ADA: variants seen among roughly 807,000 people sequenced by gnomAD.
The protein encoded by ADA is adenosine aminohydrolase.
A neutral mutation model predicts 49.0 loss-of-function variants in ADA; 45 were observed. The ratio of observed to expected loss-of-function variants is 0.92; its 90% CI spans 0.72 to 1.18. ADA has a LOEUF of 1.18. Ranked by LOEUF, ADA falls within the 50% of genes most tolerant of loss-of-function variation. The pLI is 0.00. For missense variants in ADA, 445 were observed against 472.5 expected, an observed-to-expected ratio of 0.94 and a Z score of 0.54; for synonymous variants, 173 against 184.2, an observed-to-expected ratio of 0.94 and a Z score of 0.49.
At chr20:44,639,808 T>C (rs947247672) in intron 1 of ADA, among the ~76,000 whole-genome samples, 11 of 151,822 alleles carry the variant, frequency 7.2e-5, no homozygotes, top group African/African-American at 2.2e-4. Context: ...GCTGGGAATG[T>C]AGGTAGGAGT....
chr20:44,645,051 G>T (rs2057638), intron 1 of ADA, among the ~76,000 whole-genome samples: 81,066 of 152,058 alleles, frequency 0.53, 22,389 homozygotes, highest in East Asian at 0.75. Flanking sequence ...CACGCTCCCT[G>T]CATGCCACAT....
chr20:44,621,250 A>G, intron 9 of ADA, 103 bp from the exon 10 acceptor site: 1 of 1,440,438 alleles, frequency 6.9e-7, no homozygotes, highest in African/African-American at 1.4e-5. Flanking sequence ...AGCAGCCTCA[A>G]ACAGATCTGA....
At chr20:44,628,283 G>C (rs1433044718) in intron 3 of ADA, among the ~76,000 whole-genome samples, 2 of 152,198 alleles carry the variant, frequency 1.3e-5, no homozygotes, top group Admixed American at 6.5e-5. Context: ...CCAGCATTTT[G>C]GGAGGCCGAG....
intron 1 of ADA, among the ~76,000 whole-genome samples, chr20:44,645,740 T>C (rs2065585075): frequency 1.3e-5 from 2 of 152,192 alleles, no homozygotes; most frequent in African/African-American, 4.8e-5. Context: ...GGTATGGGTA[T>C]AATTCTCATT....
intron 9 of ADA, among the ~76,000 whole-genome samples, chr20:44,621,628 C>T (rs577853529): frequency 1.9e-4 from 29 of 152,306 alleles, no homozygotes; most frequent in Middle Eastern, 3.4e-3. Flanking sequence ...TGACCATAAT[C>T]GACTTGCATA....
chr20:44,626,023 G>T (rs1248618085), intron 4 of ADA, among the ~76,000 whole-genome samples: 1 of 152,202 alleles, frequency 6.6e-6, no homozygotes, highest in Non-Finnish European at 1.5e-5. Flanking sequence ...GGGCAGGGTG[G>T]TTTTGTGATA....
At chr20:44,622,734 C>G (rs2065343856) in intron 8 of ADA, 82 bp from the exon 9 acceptor site, 1 of 1,613,702 alleles carries the variant, frequency 6.2e-7, no homozygotes, top group Non-Finnish European at 8.5e-7. Context: ...TGGGGCCACC[C>G]CTCGAGTTCC....
chr20:44,624,401 G>A (rs549087711), intron 5 of ADA, 72 bp from the exon 6 acceptor site: 83 of 1,602,788 alleles, frequency 5.2e-5, no homozygotes, highest in Non-Finnish European at 6.4e-5. Flanking sequence ...CCTGCCTGCT[G>A]TCCCACCCAA....
chr20:44,651,507 GC>G, intron 1 of ADA, 67 bp downstream of exon 1: 1 of 1,461,340 alleles, frequency 6.8e-7, no homozygotes. Flanking sequence ...CCCGGGCTGG[GC>G]CCCGCTAAGC....
In ADA at chr20:44,620,302, C is replaced by A; in HGVS notation, c.1075G>T (p.Ala359Ser). The A allele has an allele frequency of 6.2e-7, 1 of 1,613,966 alleles. No homozygotes were observed. The highest frequency in any genetic ancestry group is 8.5e-7 in the Non-Finnish European group (1 of 1,179,912). The change falls in exon 11 of 12, where the codon GCA becomes TCA. Residue 359 changes from alanine to serine, a missense_variant. By Grantham distance (99) the Ala-to-Ser change is moderately conservative. Coordinates refer to ENST00000372874, the MANE Select transcript of ADA (RefSeq NM_000022.4). Reference sequence around the variant, plus strand: ...AGAAGCCCAGACAGGAACCTACCTGCAGAGGCTGAAGGTGGCATCCCATAG... The same window carrying A: ...AGAAGCCCAGACAGGAACCTACCTGAAGAGGCTGAAGGTGGCATCCCATAG... ...KAYGMPPSAS[A>S]GQNL
At chr20:44,633,950 C>A (rs948295851) in intron 2 of ADA, among the ~76,000 whole-genome samples, 7 of 152,226 alleles carry the variant, frequency 4.6e-5, no homozygotes, top group Non-Finnish European at 7.3e-5. Flanking sequence ...TTTACAGACA[C>A]CCATATCTGA....
intron 8 of ADA, 84 bp downstream of exon 8, chr20:44,622,745 T>C: frequency 6.2e-7 from 1 of 1,613,882 alleles, no homozygotes; most frequent in Non-Finnish European, 8.5e-7. Context: ...CTCGAGTTCC[T>C]GGGACCCGCC....
intron 4 of ADA, among the ~76,000 whole-genome samples, chr20:44,626,107 G>A (rs551666207): frequency 1.3e-5 from 2 of 152,304 alleles, no homozygotes; most frequent in East Asian, 3.9e-4. Context: ...TGAAGTTAGA[G>A]CAGGACCTTT....
intron 1 of ADA, among the ~76,000 whole-genome samples, chr20:44,647,751 T>C (rs899721832): frequency 1.3e-5 from 2 of 151,780 alleles, no homozygotes; most frequent in African/African-American, 4.9e-5. Flanking sequence ...ACCCTGTCTC[T>C]ACTAAAAATA....
intron 2 of ADA, among the ~76,000 whole-genome samples, chr20:44,632,973 C>G (rs533953351): frequency 1.3e-5 from 2 of 152,232 alleles, no homozygotes; most frequent in African/African-American, 4.8e-5. Flanking sequence ...GGATTACAGG[C>G]GTGAGCCACC....
intron 1 of ADA, among the ~76,000 whole-genome samples, chr20:44,650,103 AGG>A (rs1487754413): frequency 6.6e-6 from 1 of 152,206 alleles, no homozygotes; most frequent in South Asian, 2.1e-4. Flanking sequence ...CCAAGGGCAG[AGG>A]GAGCCCAGAG....
At chr20:44,624,775 G>A (rs1874890244) in intron 5 of ADA, among the ~76,000 whole-genome samples, 1 of 152,190 alleles carries the variant, frequency 6.6e-6, no homozygotes, top group Admixed American at 6.5e-5. Flanking sequence ...TAATGTATTA[G>A]GTACTCTTAA....
intron 1 of ADA, 32 bp downstream of exon 1, chr20:44,651,542 AC>A (rs2065646053): frequency 6.6e-7 from 1 of 1,525,350 alleles, no homozygotes. Flanking sequence ...CAGGCGCCGG[AC>A]CCCCGTCCCC....
intron 10 of ADA, 31 bp from the exon 11 acceptor site, chr20:44,620,432 A>G: frequency 6.3e-7 from 1 of 1,577,824 alleles, no homozygotes; most frequent in Non-Finnish European, 8.7e-7. Context: ...GACAACATGG[A>G]ACCAGAGAAC....
Sources: gnomAD v4.1 joint callset for allele counts (sites outside exome capture counted in the v4.1 genomes callset) on GRCh38, gnomAD v4.1.1 for gene constraint, MANE v1.5 for transcripts, NCBI Gene and HGNC (gene_info 2026-07-23, HGNC 2026-07-21) for gene names.